The following BMPR1A variants were observed in gnomAD, a reference collection of about 807,000 sequenced individuals.
The protein encoded by BMPR1A is bone morphogenetic protein receptor type 1A, also known as bone morphogenetic protein receptor type-1A.
A neutral mutation model predicts 66.0 loss-of-function variants in BMPR1A; 7 were observed. That is an observed-to-expected ratio of 0.11 (90% confidence interval 0.06 to 0.20). The LOEUF (loss-of-function observed/expected upper bound fraction) is 0.20, where lower values mean the gene tolerates loss of function less well. BMPR1A is among the 10% of genes least tolerant of loss of function. The pLI is 1.00. For missense variants in BMPR1A, 408 were observed against 669.1 expected, an observed-to-expected ratio of 0.61 and a Z score of 4.31; for synonymous variants, 200 against 229.7, an observed-to-expected ratio of 0.87 and a Z score of 1.17.
At chr10:86,913,650 A>C (rs934738384) in intron 8 of BMPR1A, among the ~76,000 whole-genome samples, 5 of 152,206 alleles carry the variant, frequency 3.3e-5, no homozygotes, top group Non-Finnish European at 2.9e-5. Context: ...ACAAACAATT[A>C]GGTAATTATA....
chr10:86,898,432 A>G (rs554934377), intron 5 of BMPR1A, among the ~76,000 whole-genome samples: 2 of 152,030 alleles, frequency 1.3e-5, no homozygotes, highest in South Asian at 2.1e-4. Context: ...TAATTCACCT[A>G]GGTTAGAATA....
chr10:86,782,368 C>T (rs1339000994), intron 1 of BMPR1A, among the ~76,000 whole-genome samples: 1 of 152,164 alleles, frequency 6.6e-6, no homozygotes, highest in East Asian at 1.9e-4. Context: ...ATTTCTGGAT[C>T]ATCTGGTATT....
chr10:86,921,069 A>T (rs1843655777), intron 10 of BMPR1A, among the ~76,000 whole-genome samples: 1 of 151,900 alleles, frequency 6.6e-6, no homozygotes, highest in Non-Finnish European at 1.5e-5. Flanking sequence ...GGCCAGGCTG[A>T]TCTTGAACAC....
intron 1 of BMPR1A, among the ~76,000 whole-genome samples, chr10:86,838,606 T>C (rs1218067468): frequency 7.6e-6 from 1 of 131,364 alleles, no homozygotes; most frequent in Non-Finnish European, 1.6e-5. Flanking sequence ...TTTTTTTTTT[T>C]CCATCAAAGC....
At chr10:86,797,586 G>A (rs890069312) in intron 1 of BMPR1A, among the ~76,000 whole-genome samples, 1 of 151,874 alleles carries the variant, frequency 6.6e-6, no homozygotes, top group Non-Finnish European at 1.5e-5. Context: ...GCCTGGTCTT[G>A]AACTCCTGAC....
intron 1 of BMPR1A, among the ~76,000 whole-genome samples, chr10:86,820,905 A>G (rs959184837): frequency 1.3e-5 from 2 of 152,162 alleles, no homozygotes. Flanking sequence ...AAAGAAGGTC[A>G]TTTAAAAAAA....
rs1170205565 is a variant in BMPR1A at position 86,923,375 on chromosome 10, G to C, written c.1343-1G>C. 1 of 1,613,890 alleles carries C rather than the reference G, an allele frequency of 6.2e-7. No individual in the cohort carries two copies. The highest frequency in any genetic ancestry group is 8.5e-7 in the Non-Finnish European group (1 of 1,180,012). ...GCCCATGTTTTCTCATTCCCTTATA[G>C]GGATCGTGGAAGAATACCAATTGCC... On this transcript the variant is annotated splice_acceptor_variant, in intron 11 of 12. Coordinates refer to ENST00000372037, the MANE Select transcript of BMPR1A (RefSeq NM_004329.3). LOFTEE classifies it high-confidence loss of function.
chr10:86,918,677 G>A (rs1843612786), intron 9 of BMPR1A, among the ~76,000 whole-genome samples: 1 of 148,348 alleles, frequency 6.7e-6, no homozygotes, highest in South Asian at 2.1e-4. Context: ...AGGCTGGAGT[G>A]CAGTGGCGCC....
Position 86,818,754 on chromosome 10 carries a change from G to A in BMPR1A, c.-267-20111G>A, listed in dbSNP as rs76487142. ...TCATAGTTTGAATGATTCAGACTGT[G>A]TACCTGTGATCTGACATACCTGGAT... On this transcript the variant is annotated intron_variant, in intron 1 of 12. Transcript: ENST00000372037. Among the ~76,000 whole-genome samples, 291 of 152,318 alleles carry A rather than the reference G, an allele frequency of 1.9e-3. 1 individual carries two copies. The highest frequency in any genetic ancestry group is 6.7e-3 in the African/African-American group (277 of 41,562).
chr10:86,907,664 A>T (rs1405077363), intron 7 of BMPR1A, among the ~76,000 whole-genome samples: 1 of 152,230 alleles, frequency 6.6e-6, no homozygotes, highest in Non-Finnish European at 1.5e-5. Flanking sequence ...TGTTATTTTC[A>T]GCAACGTGAA....
At chr10:86,773,128 C>CTG (rs10634919) in intron 1 of BMPR1A, among the ~76,000 whole-genome samples, 4,001 of 113,214 alleles carry the variant, frequency 0.035, 89 homozygotes, top group African/African-American at 0.085. Context: ...TTCTAGTTAT[C>CTG]TTTTTTTTTT....
chr10:86,889,873 G>T, intron 3 of BMPR1A, 189 bp from the exon 4 acceptor site: 1 of 654,256 alleles, frequency 1.5e-6, no homozygotes, highest in South Asian at 2.0e-5. Context: ...CGCAATACCT[G>T]GTGCAGTAAT....
At chr10:86,869,963 T>TTTTTTCC (rs1392701512) in intron 2 of BMPR1A, among the ~76,000 whole-genome samples, 1 of 152,184 alleles carries the variant, frequency 6.6e-6, no homozygotes, top group African/African-American at 2.4e-5. Flanking sequence ...CCTGGATAGC[T>TTTTTTCC]TAAGTAATTC....
intron 4 of BMPR1A, among the ~76,000 whole-genome samples, chr10:86,890,898 A>T (rs564558676): frequency 1.3e-5 from 2 of 152,336 alleles, no homozygotes; most frequent in Admixed American, 1.3e-4. Context: ...CAACATGTTT[A>T]TATATGATCA....
At chr10:86,888,781 C>T (rs1204123703) in intron 3 of BMPR1A, among the ~76,000 whole-genome samples, 1 of 143,810 alleles carries the variant, frequency 7.0e-6, no homozygotes, top group Non-Finnish European at 1.5e-5. Context: ...GAGCTCTGAT[C>T]ACATCACTGT....
At chr10:86,790,217 ATATATATAT>A (rs1841592911) in intron 1 of BMPR1A, among the ~76,000 whole-genome samples, 1 of 88,462 alleles carries the variant, frequency 1.1e-5, no homozygotes, top group Non-Finnish European at 2.2e-5. Context: ...ATATATATAT[ATATATATAT>A]ATATATATAT....
intron 7 of BMPR1A, among the ~76,000 whole-genome samples, chr10:86,909,847 C>T (rs1843451345): frequency 1.3e-5 from 2 of 151,980 alleles, no homozygotes; most frequent in Non-Finnish European, 2.9e-5. Context: ...GTTTATAACA[C>T]AAGGGTAGGG....
chr10:86,921,289 C>T (rs1019886039), intron 10 of BMPR1A, among the ~76,000 whole-genome samples: 22 of 152,226 alleles, frequency 1.4e-4, no homozygotes, highest in African/African-American at 5.1e-4. Context: ...TAGTGTTTTG[C>T]TGTAGACACA....
chr10:86,821,166 G>A (rs766937180), intron 1 of BMPR1A, among the ~76,000 whole-genome samples: 14 of 152,246 alleles, frequency 9.2e-5, no homozygotes, highest in Admixed American at 2.0e-4. Context: ...ACGAAGTGGC[G>A]GTGTTGAGAC....
Sources: gnomAD v4.1 joint callset for allele counts (sites outside exome capture counted in the v4.1 genomes callset) on GRCh38, gnomAD v4.1.1 for gene constraint, MANE v1.5 for transcripts, NCBI Gene and HGNC (gene_info 2026-07-23, HGNC 2026-07-21) for gene names.